Variants in RMC1 observed in about 807,000 individuals in gnomAD.
The protein encoded by RMC1 is regulator of MON1-CCZ1 complex.
Under a neutral mutation model 95.5 loss-of-function variants are expected in RMC1, and 44 were observed. The ratio of observed to expected loss-of-function variants is 0.46; its 90% CI spans 0.36 to 0.59. The LOEUF is 0.59. RMC1 is among the 20% of genes least tolerant of loss of function. The pLI is 0.00. For missense variants in RMC1, 705 were observed against 819.6 expected, an observed-to-expected ratio of 0.86 and a Z score of 1.71; for synonymous variants, 320 against 303.6, an observed-to-expected ratio of 1.05 and a Z score of -0.56.
intron 2 of RMC1, 132 bp downstream of exon 2, chr18:23,504,579 T>C (rs2057667159): frequency 2.8e-6 from 2 of 722,152 alleles, no homozygotes; most frequent in Admixed American, 4.8e-5. Context: ...GCACATGGAA[T>C]TCCTGTCTGT....
At chr18:23,518,808 ATTTAC>A in intron 7 of RMC1, 77 bp from the exon 8 acceptor site, 1 of 1,260,496 alleles carries the variant, frequency 7.9e-7, no homozygotes, top group Non-Finnish European at 1.1e-6. Context: ...ATATCTTATA[ATTTAC>A]TTAACCGTGA....
chr18:23,519,154 G>A lies in RMC1; in HGVS notation c.829G>A (p.Val277Met), dbSNP rs757383487. Residue 277 changes from valine (V) to methionine (M), a missense_variant, in exon 9 of 20, where the codon GTG (valine) becomes ATG (methionine). Val to Met is a conservative substitution (Grantham distance 21). Coordinates refer to ENST00000269221, the MANE Select transcript of RMC1 (RefSeq NM_013326.5). ...ALNVVDNLVV[V>M]HHQDTETSVI... Reference sequence around the variant, plus strand: ...GAACGTGGTGGACAACCTGGTAGTCGTGCATCATCAGGATACAGAGGTACA... The same window carrying A: ...GAACGTGGTGGACAACCTGGTAGTCATGCATCATCAGGATACAGAGGTACA... 7.4e-6 allele frequency: 12 copies of A among 1,613,890 alleles called. No individual in the cohort carries two copies. Among genetic ancestry groups the A allele is most frequent in the Admixed American group, 1.7e-5 (1 of 59,996 alleles).
intron 19 of RMC1, among the ~76,000 whole-genome samples, 182 bp downstream of exon 19, chr18:23,530,794 G>GAATT (rs1482072857): frequency 6.6e-6 from 1 of 152,138 alleles, no homozygotes; most frequent in Non-Finnish European, 1.5e-5. Context: ...GACAGAATCT[G>GAATT]AATTATGCTC....
intron 16 of RMC1, 61 bp downstream of exon 16, chr18:23,529,773 C>T (rs1368587673): frequency 6.7e-7 from 1 of 1,491,634 alleles, no homozygotes; most frequent in South Asian, 1.1e-5. Context: ...AAAACACAGT[C>T]ACTGTCTTAG....
intron 10 of RMC1, among the ~76,000 whole-genome samples, chr18:23,521,808 C>G (rs1446932000): frequency 1.3e-5 from 2 of 152,098 alleles, no homozygotes; most frequent in Non-Finnish European, 2.9e-5. Context: ...TCCTGGCAGG[C>G]CTCTTTGCAG....
rs1160138710 is a variant in RMC1 at position 23,509,937 on chromosome 18, C to A, written c.408+658C>A. On this transcript the variant is annotated intron_variant, in intron 5 of 19. Coordinates refer to ENST00000269221, the MANE Select transcript of RMC1 (RefSeq NM_013326.5). ...GCTGGTGTCAAACTCCTAACCTCAA[C>A]TCCTGCCTTGGCCACTCAGCTTTAG... Among the ~76,000 whole-genome samples, 4 of 151,060 alleles carry A rather than the reference C, an allele frequency of 2.6e-5. 1 individual carries two copies. In the East Asian group the frequency reaches 7.8e-4, roughly 29 times the overall value.
chr18:23,516,134 G>C, intron 6 of RMC1, 138 bp downstream of exon 6: 1 of 1,387,050 alleles, frequency 7.2e-7, no homozygotes, highest in Non-Finnish European at 1.0e-6. Flanking sequence ...AGGGCACTCT[G>C]TATACCCGTC....
intron 7 of RMC1, 91 bp from the exon 8 acceptor site, chr18:23,518,799 T>C: frequency 8.8e-7 from 1 of 1,139,232 alleles, no homozygotes; most frequent in South Asian, 1.3e-5. Flanking sequence ...ATTAAGTGAA[T>C]ATCTTATAAT....
chr18:23,527,234 A>AG (rs2058328579), intron 13 of RMC1, among the ~76,000 whole-genome samples: 1 of 151,088 alleles, frequency 6.6e-6, no homozygotes, highest in East Asian at 1.9e-4. Flanking sequence ...AAAAAAAAAA[A>AG]AAAAAAAAAA....
chr18:23,525,219 T>C (rs1163329443), intron 12 of RMC1, among the ~76,000 whole-genome samples: 1 of 151,996 alleles, frequency 6.6e-6, no homozygotes, highest in Non-Finnish European at 1.5e-5. Context: ...GTGCTGGGAT[T>C]ACAGGCATGA....
In RMC1 at chr18:23,518,979, G is replaced by T; in HGVS notation, c.743G>T (p.Arg248Leu). The stretch of plus-strand genomic sequence containing the variant: ...GAGGTGGTCCTCTATCATCTACCAC[G>T]GTAGATTTCATGCTTTGTTTTCCCT... ...GAEVVLYHLP[R>L]EGACKKMHIL... is the part of the protein sequence containing the mutation. Residue 248 changes from arginine to leucine, a missense_variant and splice_region_variant, in exon 8 of 20, where the codon CGA becomes CTA. Physicochemically the swap from Arg to Leu is moderately radical, Grantham distance 102 (BLOSUM62 -2). Coordinates refer to ENST00000269221, the MANE Select transcript of RMC1 (RefSeq NM_013326.5). 4 of 1,614,066 alleles carry T rather than the reference G, an allele frequency of 2.5e-6. No individual in the cohort carries two copies. Among genetic ancestry groups the T allele is most frequent in the Non-Finnish European group, 3.4e-6 (4 of 1,179,976 alleles).
intron 8 of RMC1, 25 bp from the exon 9 acceptor site, chr18:23,519,044 C>G: frequency 6.2e-6 from 10 of 1,612,718 alleles, no homozygotes; most frequent in Non-Finnish European, 8.5e-6. Flanking sequence ...GCTTGTTGAT[C>G]TGTTTTTTGC....
intron 10 of RMC1, among the ~76,000 whole-genome samples, chr18:23,521,622 C>G (rs1415170768): frequency 6.6e-6 from 1 of 151,794 alleles, no homozygotes; most frequent in Non-Finnish European, 1.5e-5. Flanking sequence ...CATTTATTTG[C>G]TTCGTTTTGC....
chr18:23,529,729 T>C lies in RMC1; in HGVS notation c.1494+17T>C, dbSNP rs756057852. The C allele has an allele frequency of 6.3e-7, 1 of 1,599,720 alleles. No homozygotes were observed. The highest frequency in any genetic ancestry group is 8.6e-7 in the Non-Finnish European group (1 of 1,167,922). On this transcript the variant is annotated intron_variant, in intron 16 of 19. Transcript: ENST00000269221. ...GCAGTACAGGTACCTTCAAATCATC[T>C]GGGCCCAAGTTAAAACAGAAGGAAT...
At chr18:23,521,350 C>T (rs368600716) in intron 10 of RMC1, among the ~76,000 whole-genome samples, 28 of 152,306 alleles carry the variant, frequency 1.8e-4, no homozygotes, top group East Asian at 3.9e-4. Context: ...ACACCCGTAA[C>T]GTTTTCTGTT....
Position 23,526,556 on chromosome 18 carries a change from G to A in RMC1, c.1061-81G>A, listed in dbSNP as rs138026166. 78 of 1,528,426 alleles carry A rather than the reference G, an allele frequency of 5.1e-5. No individual in the cohort carries two copies. The Middle Eastern group carries it at 7.2e-4, about 14-fold the overall frequency. 94.7% of individuals were successfully genotyped at this position (1,528,426 alleles called of 1,614,324 possible). ...TTTATCACCACCTGCCACCCGCCCC[G>A]CAGATGTTTAGGGGAACCACTTTTG... On this transcript the variant is annotated intron_variant, in intron 12 of 19. Transcript: ENST00000269221.
rs67449348 is a variant in RMC1 at position 23,516,727 on chromosome 18, C to T, written c.653+304C>T. ...TATCTTTGTTTTAGAATTTCTTCTT[C>T]TTTTTTTTTTTTTTTCGAGACAGAG... On this transcript the variant is annotated intron_variant, in intron 7 of 19. Coordinates refer to ENST00000269221, the MANE Select transcript of RMC1 (RefSeq NM_013326.5). Among the ~76,000 whole-genome samples, 172 of 73,896 alleles carry T rather than the reference C, an allele frequency of 2.3e-3. 1 individual carries two copies. The highest frequency in any genetic ancestry group is 5.0e-3 in the Middle Eastern group (1 of 202). 48.5% of individuals were successfully genotyped at this position (73,896 alleles called of 152,430 possible). A position where few individuals can be genotyped will look rare whatever the true frequency, so the allele number is the denominator to read the frequency against.
chr18:23,530,721 A>C (rs145934010), intron 19 of RMC1, 109 bp downstream of exon 19: 1 of 1,022,976 alleles, frequency 9.8e-7, no homozygotes, highest in African/African-American at 1.6e-5. Context: ...TAAACAACAC[A>C]ATTTGATAAC....
At position 23,524,149 on chromosome 18, in the gene RMC1, C is replaced by T; in HGVS notation, c.981C>T (p.Ser327=). The T allele has an allele frequency of 6.2e-7, 1 of 1,614,024 alleles. No homozygotes were observed. The highest frequency in any genetic ancestry group is 1.1e-5 in the South Asian group (1 of 91,088). ...TTGTAGGTCCTGCTGCCGTGACCAG[C>T]CAGTCTCCTGTTCCATGTAAACTCT... ...IPITGPAAVT[S]QSPVPCKLYS... Residue 327 remains serine (S), a synonymous_variant, in exon 11 of 20, where the codon AGC becomes AGT. Coordinates refer to ENST00000269221, the MANE Select transcript of RMC1 (RefSeq NM_013326.5).
Sources: gnomAD v4.1 joint callset for allele counts (sites outside exome capture counted in the v4.1 genomes callset) on GRCh38, gnomAD v4.1.1 for gene constraint, MANE v1.5 for transcripts, NCBI Gene and HGNC (gene_info 2026-07-23, HGNC 2026-07-21) for gene names.